The following GRIN2D variants were observed in gnomAD, a reference collection of about 807,000 sequenced individuals.
GRIN2D encodes glutamate receptor ionotropic, NMDA 2D.
A neutral mutation model predicts 103.2 loss-of-function variants in GRIN2D; 37 were observed. The observed-to-expected ratio is 0.36, with a 90% confidence interval of 0.28 to 0.47. The LOEUF (loss-of-function observed/expected upper bound fraction) is 0.47. GRIN2D is among the 20% of genes least tolerant of loss of function. The pLI is 1.00. For synonymous variants in GRIN2D, 845 were observed against 885.6 expected, an observed-to-expected ratio of 0.95 and a Z score of 0.81; for missense variants, 1,557 against 1,910.6, an observed-to-expected ratio of 0.81 and a Z score of 3.45.
chr19:48,438,746 T>C (rs991458385), intron 11 of GRIN2D, among the ~76,000 whole-genome samples: 1 of 151,892 alleles, frequency 6.6e-6, no homozygotes, highest in African/African-American at 2.4e-5. Flanking sequence ...TATGAACTCA[T>C]ATTCTATATA....
At chr19:48,419,861 G>C (rs765631497) in intron 10 of GRIN2D, 47 bp downstream of exon 10, 1 of 1,090,070 alleles carries the variant, frequency 9.2e-7, no homozygotes, top group Middle Eastern at 2.6e-4. Context: ...TGGGGCTGGA[G>C]GTCACAGAGC....
intron 3 of GRIN2D, among the ~76,000 whole-genome samples, chr19:48,399,573 A>G (rs998306366): frequency 1.3e-5 from 2 of 152,194 alleles, no homozygotes; most frequent in Admixed American, 6.5e-5. Context: ...GTCCAAAAGA[A>G]AAAGAAAAGG....
intron 4 of GRIN2D, among the ~76,000 whole-genome samples, chr19:48,406,207 G>A (rs2147442947): frequency 6.6e-6 from 1 of 152,282 alleles, no homozygotes; most frequent in Admixed American, 6.5e-5. Context: ...CATTCTGATT[G>A]GCTAGTGCCT....
chr19:48,434,689 C>G (rs953559199), intron 11 of GRIN2D, among the ~76,000 whole-genome samples: 6 of 152,070 alleles, frequency 3.9e-5, no homozygotes, highest in African/African-American at 1.4e-4. Flanking sequence ...CCACCTTGGC[C>G]TCCCAAAGCG....
Position 48,442,082 on chromosome 19 carries a change from T to TC in GRIN2D, c.2441-65dup, listed in dbSNP as rs11575880. 194,510 of 1,531,442 alleles carry TC rather than the reference T, an allele frequency of 0.13. 14,779 individuals carry two copies. The highest frequency in any genetic ancestry group is 0.33 in the Admixed American group (19,806 of 59,390). The allele number at this position is 1,531,442 out of a possible 1,614,324, so 94.9% of individuals were successfully genotyped here. ...GGAGGAAGGGGCTAAGGGCCTACATTCCCACATCACAGACAAGGGTCCTCA... is the reference window on the plus strand; with the variant it reads ...GGAGGAAGGGGCTAAGGGCCTACATTCCCCACATCACAGACAAGGGTCCTCA... On this transcript the variant is annotated intron_variant, in intron 12 of 13. Transcript: ENST00000263269. The surrounding 1 kb of genome is among the most constrained non-coding windows in gnomAD (Gnocchi z 7.2).
In GRIN2D at chr19:48,437,892, T is replaced by C. The variant is rs565851027; in HGVS notation, c.2253-3877T>C. Among the ~76,000 whole-genome samples, 88 of 152,306 alleles carry C rather than the reference T, an allele frequency of 5.8e-4. 1 individual carries two copies. Among genetic ancestry groups the C allele is most frequent in the African/African-American group, 2.1e-3 (86 of 41,570 alleles). On this transcript the variant is annotated intron_variant, in intron 11 of 13. Transcript: ENST00000263269. Reference sequence around the variant, plus strand: ...CCAGATGTCATATGGGAACTCCCTGTTAGGATCTATATAAAATTAATTCAA... The same window carrying C: ...CCAGATGTCATATGGGAACTCCCTGCTAGGATCTATATAAAATTAATTCAA...
chr19:48,417,391 G>A (rs1276459906), intron 8 of GRIN2D, among the ~76,000 whole-genome samples: 1 of 152,172 alleles, frequency 6.6e-6, no homozygotes, highest in Non-Finnish European at 1.5e-5. Flanking sequence ...CTGCCCACCA[G>A]ATGGGCTGGT....
chr19:48,394,676 G>C lies in GRIN2D; in HGVS notation c.-287G>C, dbSNP rs897894729. ...CTTCCAGAGCAACATGTGTAGCCAC[G>C]TCCTCGCCTAGTCCAGGTGGCCGCA... On this transcript the variant is annotated 5_prime_UTR_variant, in exon 2 of 14. Transcript: ENST00000263269. This position sits in a 1 kb window ranked among gnomAD's most constrained non-coding sequence, Gnocchi z 5.1. 6.6e-6 allele frequency among the ~76,000 whole-genome samples: 1 copy of C among 152,184 alleles called. No homozygotes were observed. Among genetic ancestry groups the C allele is most frequent in the African/African-American group, 2.4e-5 (1 of 41,446 alleles).
In GRIN2D at chr19:48,442,423, G is replaced by T. The variant is rs1415247919; in HGVS notation, c.2673+41G>T. On this transcript the variant is annotated intron_variant, in intron 13 of 13. Transcript: ENST00000263269. The surrounding 1 kb of genome is among the most constrained non-coding windows in gnomAD (Gnocchi z 7.2). The stretch of plus-strand genomic sequence containing the variant: ...GGAGGCAGAGAGGGGGAGATGGCAG[G>T]GGCGGGGACAAAGGTAAAGCCGAGC... 1 of 1,577,642 alleles carries T rather than the reference G, an allele frequency of 6.3e-7. No homozygotes were observed.
chr19:48,419,842 A>AGATGGG (rs1569065885), intron 10 of GRIN2D, 28 bp downstream of exon 10: 2 of 1,342,268 alleles, frequency 1.5e-6, no homozygotes, highest in East Asian at 3.6e-5. Flanking sequence ...GCTGGGCTGG[A>AGATGGG]GCTGGGGCTG....
chr19:48,411,904 C>T (rs1374625126), intron 4 of GRIN2D, among the ~76,000 whole-genome samples: 2 of 151,794 alleles, frequency 1.3e-5, no homozygotes, highest in African/African-American at 4.8e-5. Flanking sequence ...CAAAAACAGA[C>T]TCTAGGGGCC....
In GRIN2D at chr19:48,398,785, C is replaced by T. The variant is rs1412137391; in HGVS notation, c.393C>T (p.Asp131=). ...CGCCCGCCGTCGCGCCCATCCTCGA[C>T]TTCCTGTCGGCGCAGACCTCGCTGC... ...SRAPAVAPIL[D]FLSAQTSLPI... is the part of the protein sequence containing the mutation. Residue 131 remains aspartate, a synonymous_variant, in exon 3 of 14, where the codon GAC becomes GAT. Transcript: ENST00000263269. 9 of 1,460,626 alleles carry T rather than the reference C, an allele frequency of 6.2e-6. No individual in the cohort carries two copies. The Admixed American group carries it at 9.9e-5, about 16-fold the overall frequency. The allele number at this position is 1,460,626 out of a possible 1,614,324, so 90.5% of individuals were successfully genotyped here.
At chr19:48,412,426 AAAGAAAGAAAG>A (rs1970877229) in intron 4 of GRIN2D, among the ~76,000 whole-genome samples, 1 of 51,022 alleles carries the variant, frequency 2.0e-5, no homozygotes, top group South Asian at 5.9e-4. Flanking sequence ...GAAAGAAAAG[AAAGAAAGAAAG>A]AAAGAAAGAA....
chr19:48,443,460 G>A lies in GRIN2D; in HGVS notation c.3534G>A (p.Trp1178Ter). ...YLPPRSGPAAWHCRHCASLEL... is the reference protein window; with the variant it reads ...YLPPRSGPAA ...CCCCGCGCAGCGGTCCGGCCGCCTGGCACTGTCGGCACTGCGCCAGCCTGG... is the reference window on the plus strand; with the variant it reads ...CCCCGCGCAGCGGTCCGGCCGCCTGACACTGTCGGCACTGCGCCAGCCTGG... Residue 1178 changes from tryptophan (W) to a stop codon, truncating the protein, a stop_gained, in exon 14 of 14, where the codon TGG becomes TGA. Transcript: ENST00000263269. LOFTEE classifies it high-confidence loss of function. The surrounding 1 kb of genome is among the most constrained non-coding windows in gnomAD (Gnocchi z 8.9). The A allele has an allele frequency of 7.2e-7, 1 of 1,382,644 alleles. No individual in the cohort carries two copies. Among genetic ancestry groups the A allele is most frequent in the Admixed American group, 3.3e-5 (1 of 30,102 alleles). The allele number at this position is 1,382,644 out of a possible 1,614,324, so 85.6% of individuals were successfully genotyped here. A position where few individuals can be genotyped will look rare whatever the true frequency, so the allele number is the denominator to read the frequency against.
intron 11 of GRIN2D, among the ~76,000 whole-genome samples, chr19:48,438,287 C>CGTTTTTTTTTTT (rs780553065): frequency 1.7e-5 from 1 of 57,726 alleles, no homozygotes; most frequent in African/African-American, 7.6e-5. Flanking sequence ...ATCCAGCCGC[C>CGTTTTTTTTTTT]TTTTTTTTTT....
At chr19:48,425,716 C>T (rs1163926869) in intron 11 of GRIN2D, among the ~76,000 whole-genome samples, 1 of 152,156 alleles carries the variant, frequency 6.6e-6, no homozygotes, top group Non-Finnish European at 1.5e-5. Context: ...TCAGCCACAT[C>T]ACCAGCCTTT....
At chr19:48,436,992 CAA>C (rs1208946938) in intron 11 of GRIN2D, among the ~76,000 whole-genome samples, 1 of 152,110 alleles carries the variant, frequency 6.6e-6, no homozygotes, top group Non-Finnish European at 1.5e-5. Flanking sequence ...AGCGCTGACT[CAA>C]ATGTTAAGAT....
Position 48,419,781 on chromosome 19 carries a change from C to G in GRIN2D, c.2058C>G (p.Tyr686Ter). ...CCGCCTTCATGATCCAGGAGGAGTACGTGGATACTGTGTCTGGGCTCAGTG... is the reference window on the plus strand; with the variant it reads ...CCGCCTTCATGATCCAGGAGGAGTAGGTGGATACTGTGTCTGGGCTCAGTG... The part of the protein sequence containing the change: ...NLAAFMIQEE[Y>*]VDTVSGLSDR... The change falls in exon 10 of 14, where the codon TAC (tyrosine) becomes TAG (stop). Residue 686 changes from tyrosine (Y) to a stop codon, truncating the protein, a stop_gained. Transcript: ENST00000263269. LOFTEE classifies it high-confidence loss of function. 1.2e-6 allele frequency: 2 copies of G among 1,613,412 alleles called. No individual in the cohort carries two copies. The highest frequency in any genetic ancestry group is 8.5e-7 in the Non-Finnish European group (1 of 1,179,834).
rs191119443 is a variant in GRIN2D, at chr19:48,443,875, G to A, written c.3949G>A (p.Gly1317Ser). 5.7e-3 allele frequency: 8,409 copies of A among 1,478,310 alleles called. 188 individuals carry two copies. Among genetic ancestry groups the A allele is most frequent in the South Asian group, 0.055 (4,329 of 78,542 alleles). 91.6% of individuals were successfully genotyped at this position (1,478,310 alleles called of 1,614,324 possible). Residue 1317 changes from glycine to serine, a missense_variant, in exon 14 of 14, where the codon GGC becomes AGC. Transcript: ENST00000263269. The surrounding 1 kb of genome is among the most constrained non-coding windows in gnomAD (Gnocchi z 8.9). ...CACAGCTTCCCACCGGAGACACCGG[G>A]GCGGGGACCTGGGCACCCGCAGGGG... ...LPTASHRRHR[G>S]GDLGTRRGSA...
Sources: gnomAD v4.1 joint callset for allele counts (sites outside exome capture counted in the v4.1 genomes callset) on GRCh38, gnomAD v4.1.1 for gene constraint, Gnocchi (gnomAD v3.1) non-coding constraint, MANE v1.5 for transcripts, NCBI Gene and HGNC (gene_info 2026-07-23, HGNC 2026-07-21) for gene names.